A1CF: variants seen among roughly 807,000 people sequenced by gnomAD.
A1CF encodes the protein APOBEC-1 stimulating protein.
Under a neutral mutation model 68.9 loss-of-function variants are expected in A1CF, and 48 were observed. The observed-to-expected ratio is 0.70, with a 90% confidence interval of 0.55 to 0.89. The LOEUF (loss-of-function observed/expected upper bound fraction) is 0.89, where lower values mean the gene tolerates loss of function less well. Ranked by LOEUF, A1CF falls within the 40% of genes least tolerant of loss-of-function variation. The pLI, the probability that A1CF is intolerant of heterozygous loss-of-function variation, is 0.00. For missense variants in A1CF, 653 were observed against 718.9 expected, an observed-to-expected ratio of 0.91 and a Z score of 1.05; for synonymous variants, 272 against 260.4, an observed-to-expected ratio of 1.04 and a Z score of -0.43.
rs1215517439 is a variant in A1CF, at chr10:50,800,208, G to A, written c.*6521C>T. ...ACCTGCTCATTAACATCATAAATCA[G>A]TAGGTGAATTTATCAATTCCATGTT... On this transcript the variant is annotated 3_prime_UTR_variant, in exon 13 of 13. Transcript: ENST00000373997. 1.4e-4 allele frequency: 21 copies of A among 152,088 alleles called. No homozygotes were observed. Among genetic ancestry groups the A allele is most frequent in the Admixed American group, 1.4e-3 (21 of 15,282 alleles). 9.4% of individuals were successfully genotyped at this position (152,088 alleles called of 1,614,324 possible). A position where few individuals can be genotyped will look rare whatever the true frequency, so the allele number is the denominator to read the frequency against.
chr10:50,848,144 A>T (rs1407485259), intron 3 of A1CF, among the ~76,000 whole-genome samples: 2 of 152,288 alleles, frequency 1.3e-5, no homozygotes, highest in African/African-American at 4.8e-5. Flanking sequence ...ATAGGCAAGG[A>T]ATCCAAGGCA....
At chr10:50,851,198 A>T (rs924310503) in intron 3 of A1CF, among the ~76,000 whole-genome samples, 1 of 152,188 alleles carries the variant, frequency 6.6e-6, no homozygotes, top group African/African-American at 2.4e-5. Context: ...CACTAAATCT[A>T]TTCTGACTTT....
chr10:50,865,621 C>T (rs1840953980), intron 1 of A1CF, among the ~76,000 whole-genome samples: 1 of 152,188 alleles, frequency 6.6e-6, no homozygotes, highest in Non-Finnish European at 1.5e-5. Flanking sequence ...CATTCACATG[C>T]CCTGCCACTT....
At chr10:50,848,386 T>C (rs1310185912) in intron 3 of A1CF, among the ~76,000 whole-genome samples, 1 of 152,220 alleles carries the variant, frequency 6.6e-6, no homozygotes, top group African/African-American at 2.4e-5. Flanking sequence ...CTTTATGGCA[T>C]ATATAGTACT....
At chr10:50,818,946 A>G (rs1296217225) in intron 8 of A1CF, among the ~76,000 whole-genome samples, 1 of 152,090 alleles carries the variant, frequency 6.6e-6, no homozygotes, top group African/African-American at 2.4e-5. Context: ...AAGCTGTTCT[A>G]CATGGGGTCC....
intron 4 of A1CF, among the ~76,000 whole-genome samples, chr10:50,843,424 T>G (rs932828868): frequency 6.6e-6 from 1 of 152,210 alleles, no homozygotes; most frequent in Admixed American, 6.5e-5. Context: ...GGAATGTGCT[T>G]GTTGCTAAAA....
chr10:50,877,845 G>A (rs1456163151), intron 1 of A1CF, among the ~76,000 whole-genome samples: 3 of 152,178 alleles, frequency 2.0e-5, no homozygotes, highest in Non-Finnish European at 4.4e-5. Flanking sequence ...AAAGAGGGCC[G>A]GGCGCCGTGG....
intron 5 of A1CF, among the ~76,000 whole-genome samples, chr10:50,840,689 G>A (rs1283528626): frequency 6.6e-6 from 1 of 152,080 alleles, no homozygotes; most frequent in Non-Finnish European, 1.5e-5. Flanking sequence ...ATATTTAGCT[G>A]ACCCCCAAAT....
intron 10 of A1CF, among the ~76,000 whole-genome samples, chr10:50,812,116 CTTG>C (rs1338065311): frequency 6.6e-6 from 1 of 152,174 alleles, no homozygotes; most frequent in African/African-American, 2.4e-5. Context: ...TTTTAATACT[CTTG>C]TTGTGTAGGA....
In A1CF at chr10:50,865,232, C is replaced by CTGGG. The variant is rs569529703; in HGVS notation, c.-93-1156_-93-1153dup. 3.8e-3 allele frequency among the ~76,000 whole-genome samples: 577 copies of CTGGG among 152,226 alleles called. 3 individuals are homozygous for CTGGG. The highest frequency in any genetic ancestry group is 0.013 in the African/African-American group (532 of 41,536). ...TGCGATTAGGCCACTGCACTCCAGCCTGGGTGACAGAATGAGACCCTGTCT... is the reference window on the plus strand; with the variant it reads ...TGCGATTAGGCCACTGCACTCCAGCCTGGGTGGGTGACAGAATGAGACCCTGTCT... On this transcript the variant is annotated intron_variant, in intron 1 of 12. Transcript: ENST00000373997.
rs1265164154 is a variant in A1CF at position 50,806,109 on chromosome 10, G to T, written c.*620C>A. Reference sequence around the variant, plus strand: ...TATTTCTAGGAAGTCCCCATGGGCTGCAGGGGACAGGAAGATCCTGATCTG... The same window carrying T: ...TATTTCTAGGAAGTCCCCATGGGCTTCAGGGGACAGGAAGATCCTGATCTG... On this transcript the variant is annotated 3_prime_UTR_variant, in exon 13 of 13. Transcript: ENST00000373997. 1 of 152,222 alleles carries T rather than the reference G, an allele frequency of 6.6e-6. No homozygotes were observed. The highest frequency in any genetic ancestry group is 2.4e-5 in the African/African-American group (1 of 41,466). 9.4% of individuals were successfully genotyped at this position (152,222 alleles called of 1,614,324 possible).
At chr10:50,861,180 G>A (rs142029038) in intron 2 of A1CF, among the ~76,000 whole-genome samples, 43 of 151,994 alleles carry the variant, frequency 2.8e-4, no homozygotes, top group African/African-American at 8.2e-4. Context: ...TGAAGTGATC[G>A]TTTCTGAAAA....
At chr10:50,847,694 C>T (rs913670320) in intron 3 of A1CF, among the ~76,000 whole-genome samples, 1 of 152,166 alleles carries the variant, frequency 6.6e-6, no homozygotes, top group African/African-American at 2.4e-5. Flanking sequence ...TTCTAGCCTT[C>T]CTTGCAGCTG....
chr10:50,801,186 G>T lies in A1CF; in HGVS notation c.*5543C>A, dbSNP rs1837585866. ...AAAACTAGGACCAAAAATAGGCTGG[G>T]TAGAGAGATAGTTGGACAGAAAGTG... On this transcript the variant is annotated 3_prime_UTR_variant, in exon 13 of 13. Coordinates refer to ENST00000373997, the MANE Select transcript of A1CF (RefSeq NM_014576.4). The T allele has an allele frequency of 6.6e-6, 1 of 152,268 alleles. No homozygotes were observed. The highest frequency in any genetic ancestry group is 1.5e-5 in the Non-Finnish European group (1 of 68,132). 9.4% of individuals were successfully genotyped at this position (152,268 alleles called of 1,614,324 possible). A position where few individuals can be genotyped will look rare whatever the true frequency, so the allele number is the denominator to read the frequency against.
At chr10:50,838,992 C>T (rs554022945) in intron 5 of A1CF, among the ~76,000 whole-genome samples, 1 of 152,152 alleles carries the variant, frequency 6.6e-6, no homozygotes, top group Non-Finnish European at 1.5e-5. Context: ...CCACCATAAC[C>T]TTCTGCAAAC....
chr10:50,815,316 TCAAA>T (rs1475372133), intron 9 of A1CF, among the ~76,000 whole-genome samples: 1 of 152,222 alleles, frequency 6.6e-6, no homozygotes, highest in Non-Finnish European at 1.5e-5. Flanking sequence ...GGAAAACTGC[TCAAA>T]CATTTAGAAT....
At chr10:50,879,575 G>A (rs1166569391) in intron 1 of A1CF, among the ~76,000 whole-genome samples, 1 of 152,158 alleles carries the variant, frequency 6.6e-6, no homozygotes, top group Non-Finnish European at 1.5e-5. Flanking sequence ...GGGGAAGCAA[G>A]CTTAGGCCTT....
rs1564489844 is a variant in A1CF at position 50,806,629 on chromosome 10, CAT to C, written c.*98_*99del. 1.8e-6 allele frequency: 2 copies of C among 1,139,632 alleles called. No individual in the cohort carries two copies. The highest frequency in any genetic ancestry group is 2.1e-5 in the South Asian group (1 of 47,802). The allele number at this position is 1,139,632 out of a possible 1,614,324, so 70.6% of individuals were successfully genotyped here. ...TCTGGAAAGGCATTTCTTTAGGAAA[CAT>C]ATTATTTATGATCATTGGGGACCGA... is the stretch of plus-strand genomic sequence containing the variant. On this transcript the variant is annotated 3_prime_UTR_variant, in exon 13 of 13. Transcript: ENST00000373997.
intron 4 of A1CF, 72 bp from the exon 5 acceptor site, chr10:50,842,064 T>TACACACACAAACACAC (rs1839808735): frequency 7.3e-7 from 1 of 1,373,480 alleles, no homozygotes; most frequent in Non-Finnish European, 1.0e-6. Context: ...CATGTGCTGA[T>TACACACACAAACACAC]ACACACACAA....
Sources: gnomAD v4.1 joint callset for allele counts (sites outside exome capture counted in the v4.1 genomes callset) on GRCh38, gnomAD v4.1.1 for gene constraint, MANE v1.5 for transcripts, NCBI Gene and HGNC (gene_info 2026-07-23, HGNC 2026-07-21) for gene names.